The following ANXA8 variants were observed in gnomAD, a reference collection of about 807,000 sequenced individuals.
The protein encoded by ANXA8 is VAC-beta.
Under a neutral mutation model 26.8 loss-of-function variants are expected in ANXA8, and 9 were observed. The ratio of observed to expected loss-of-function variants is 0.34; its 90% CI spans 0.20 to 0.59. The LOEUF (loss-of-function observed/expected upper bound fraction) is 0.59, where lower values mean the gene tolerates loss of function less well. ANXA8 is among the 20% of genes least tolerant of loss of function. ANXA8 has a pLI of 0.84. For synonymous variants in ANXA8, 39 were observed against 94.8 expected (o/e 0.41, Z 3.42); for missense variants, 83 against 238.5 (o/e 0.35, Z 4.29).
chr10:47,502,782 G>C, the ANXA8 span: 76 of 1,570,276 alleles, frequency 4.8e-5, 10 homozygotes, highest in African/African-American at 5.1e-4. Flanking sequence ...TACTGCTCTT[G>C]CATGACTGCA....
chr10:47,669,875 A>G, the ANXA8 span, among the ~76,000 whole-genome samples: 7 of 152,110 alleles, frequency 4.6e-5, no homozygotes, highest in African/African-American at 1.7e-4. Context: ...TAAAATATAC[A>G]TAAAATTTAT....
At chr10:47,516,800 C>T in the ANXA8 span, among the ~76,000 whole-genome samples, 3 of 130,560 alleles carry the variant, frequency 2.3e-5, 1 homozygote, top group Admixed American at 2.2e-4. Flanking sequence ...GGGGGAAAAA[C>T]AGCTATTAGA....
the ANXA8 span, among the ~76,000 whole-genome samples, chr10:47,968,650 T>C: frequency 6.7e-6 from 1 of 148,496 alleles, no homozygotes; most frequent in Non-Finnish European, 1.5e-5. Context: ...AGCCATCTCT[T>C]GCTTTGACAG....
At chr10:47,745,859 G>A in the ANXA8 span, among the ~76,000 whole-genome samples, 1 of 150,516 alleles carries the variant, frequency 6.6e-6, no homozygotes, top group African/African-American at 2.4e-5. Flanking sequence ...TTTGGAGCTT[G>A]GCTATGTGAC....
At chr10:47,491,756 G>A in the ANXA8 span, 35 of 1,544,202 alleles carry the variant, frequency 2.3e-5, 1 homozygote, top group South Asian at 4.1e-4. Context: ...TGCCTATCTA[G>A]GCTCTGGGGC....
At chr10:47,913,933 CTTTTTTTTTTT>C in the ANXA8 span, among the ~76,000 whole-genome samples, 2 of 32,568 alleles carry the variant, frequency 6.1e-5, 1 homozygote, top group South Asian at 3.8e-3. Flanking sequence ...TTAGAATCTT[CTTTTTTTTTTT>C]TTTTTTTTTT....
At chr10:47,617,264 C>T in the ANXA8 span, among the ~76,000 whole-genome samples, 8 of 150,316 alleles carry the variant, frequency 5.3e-5, no homozygotes, top group East Asian at 1.9e-4. Flanking sequence ...TTTGATATTG[C>T]TGCTAATAAA....
At chr10:47,567,805 T>C in the ANXA8 span, 7 of 252,478 alleles carry the variant, frequency 2.8e-5, no homozygotes, top group African/African-American at 1.6e-4. Flanking sequence ...TAAAGTACAG[T>C]TGAGAAAACG....
chr10:47,540,500 G>A, the ANXA8 span, among the ~76,000 whole-genome samples: 1 of 121,394 alleles, frequency 8.2e-6, no homozygotes, highest in Admixed American at 1.0e-4. Flanking sequence ...AGATCTTCTG[G>A]AAAGCTGATT....
chr10:47,985,835 A>G, the ANXA8 span: 27 of 149,930 alleles, frequency 1.8e-4, no homozygotes, highest in African/African-American at 6.3e-4. Context: ...ATGGAATCAT[A>G]CAATGTTTAT....
At chr10:47,650,519 T>C in the ANXA8 span, among the ~76,000 whole-genome samples, 144 of 151,308 alleles carry the variant, frequency 9.5e-4, 4 homozygotes, top group African/African-American at 3.2e-3. Context: ...ATTGAAACAA[T>C]GGGCAGGCCA....
the ANXA8 span, among the ~76,000 whole-genome samples, chr10:47,701,388 C>A: frequency 6.6e-6 from 1 of 151,800 alleles, no homozygotes; most frequent in African/African-American, 2.4e-5. Flanking sequence ...GAAGCTACAT[C>A]TCCAACAATA....
At chr10:47,900,917 G>T in the ANXA8 span, among the ~76,000 whole-genome samples, 18 of 69,212 alleles carry the variant, frequency 2.6e-4, no homozygotes, top group African/African-American at 1.3e-3. Context: ...GCATGGAAAA[G>T]CTTCCTGGTT....
chr10:47,737,019 C>T, the ANXA8 span, among the ~76,000 whole-genome samples: 10 of 150,860 alleles, frequency 6.6e-5, no homozygotes, highest in Non-Finnish European at 1.5e-4. Context: ...CAGTCATTTG[C>T]AGTTTGCTTT....
the ANXA8 span, chr10:47,540,009 TC>T: frequency 8.9e-6 from 1 of 112,816 alleles, no homozygotes; most frequent in Non-Finnish European, 1.7e-5. Context: ...AAACCAAAGA[TC>T]TTGGATCTTC....
At chr10:47,653,189 G>C in the ANXA8 span, among the ~76,000 whole-genome samples, 1 of 150,442 alleles carries the variant, frequency 6.6e-6, no homozygotes, top group Non-Finnish European at 1.5e-5. Flanking sequence ...GTGGGTGCCT[G>C]TAATCCCAGC....
the ANXA8 span, chr10:47,565,512 GAAGCTCTCTGA>G: frequency 2.7e-6 from 1 of 367,550 alleles, no homozygotes; most frequent in Middle Eastern, 7.4e-4. Flanking sequence ...GCGAGGCCCC[GAAGCTCTCTGA>G]AAGCTGGACA....
the ANXA8 span, among the ~76,000 whole-genome samples, chr10:47,951,842 A>ATACAT: frequency 1.3e-5 from 2 of 148,274 alleles, no homozygotes; most frequent in South Asian, 4.2e-4. Context: ...AAAAAGGAAT[A>ATACAT]TACATGCAAA....
upstream of ANXA8, chr10:47,484,198 T>G: frequency 1.3e-6 from 1 of 765,132 alleles, no homozygotes; most frequent in Non-Finnish European, 2.3e-6. Flanking sequence ...CACAACTCAC[T>G]GGCAGATATT....
Sources: allele counts gnomAD v4.1 joint callset (sites outside exome capture counted in the v4.1 genomes callset), GRCh38; gene constraint gnomAD v4.1.1; transcripts MANE v1.5; gene names NCBI Gene and HGNC (gene_info 2026-07-23, HGNC 2026-07-21).